CDH22: variants seen among roughly 807,000 people sequenced by gnomAD.
The protein encoded by CDH22 is cadherin-22.
A neutral mutation model predicts 58.4 loss-of-function variants in CDH22; 30 were observed. The observed-to-expected ratio is 0.51, with a 90% confidence interval of 0.38 to 0.70. The LOEUF (loss-of-function observed/expected upper bound fraction) is 0.70. Ranked by LOEUF, CDH22 falls within the 30% of genes least tolerant of loss-of-function variation. The pLI, the probability that CDH22 is intolerant of heterozygous loss-of-function variation, is 0.00. For synonymous variants in CDH22, 513 were observed against 558.2 expected (o/e 0.92, Z 1.14); for missense variants, 1,014 against 1,233.9 (o/e 0.82, Z 2.67).
At chr20:46,282,668 A>G (rs962067444) in intron 1 of CDH22, among the ~76,000 whole-genome samples, 2 of 152,146 alleles carry the variant, frequency 1.3e-5, no homozygotes, top group Admixed American at 1.3e-4. Flanking sequence ...TTATAATTCA[A>G]TATCGGGTGG....
intron 1 of CDH22, among the ~76,000 whole-genome samples, chr20:46,295,693 C>T (rs1323752894): frequency 6.6e-6 from 1 of 152,210 alleles, no homozygotes; most frequent in African/African-American, 2.4e-5. Flanking sequence ...CCTCATTCCT[C>T]CTGATAGGTG....
chr20:46,178,454 C>A (rs374688062), intron 10 of CDH22, among the ~76,000 whole-genome samples: 19 of 152,126 alleles, frequency 1.2e-4, no homozygotes, highest in Admixed American at 1.2e-3. Context: ...ATGTAGCCCA[C>A]AATTCTGTCC....
chr20:46,222,892 A>G (rs1008404084), intron 4 of CDH22, among the ~76,000 whole-genome samples: 2 of 152,184 alleles, frequency 1.3e-5, no homozygotes, highest in African/African-American at 2.4e-5. Flanking sequence ...GCTCCCTGCT[A>G]TCTGCACAGC....
At chr20:46,236,197 TAACAG>T (rs1292176888) in intron 3 of CDH22, among the ~76,000 whole-genome samples, 2 of 152,072 alleles carry the variant, frequency 1.3e-5, no homozygotes, top group Non-Finnish European at 2.9e-5. Context: ...CAGACATTTC[TAACAG>T]CCCAGACCTC....
chr20:46,265,044 G>T (rs1314006857), intron 1 of CDH22, among the ~76,000 whole-genome samples: 1 of 152,110 alleles, frequency 6.6e-6, no homozygotes, highest in East Asian at 1.9e-4. Context: ...CACCCTGCCC[G>T]TGTGCCGGTG....
chr20:46,219,721 A>G (rs977343956), intron 4 of CDH22: 1 of 152,252 alleles, frequency 6.6e-6, no homozygotes, highest in Non-Finnish European at 1.5e-5. Flanking sequence ...TGTGTCCGGC[A>G]TTATTCTAAT....
chr20:46,252,010 G>A (rs2425805), intron 1 of CDH22, among the ~76,000 whole-genome samples: 44,849 of 151,664 alleles, frequency 0.3, 8,016 homozygotes, highest in Middle Eastern at 0.51. Context: ...CCTAGTAGGC[G>A]GTGCCCCTGA....
chr20:46,197,283 C>T (rs1013735016), intron 8 of CDH22, among the ~76,000 whole-genome samples: 1 of 144,486 alleles, frequency 6.9e-6, no homozygotes, highest in Non-Finnish European at 1.5e-5. Context: ...TGCTGGAAAG[C>T]ATCTAGGCCA....
chr20:46,200,962 G>C (rs1385879129), intron 7 of CDH22, among the ~76,000 whole-genome samples: 1 of 152,202 alleles, frequency 6.6e-6, no homozygotes, highest in Non-Finnish European at 1.5e-5. Flanking sequence ...TGCGCAGCAC[G>C]CGCGAGCTAA....
chr20:46,232,577 C>A (rs1178652823), intron 3 of CDH22, among the ~76,000 whole-genome samples: 3 of 152,240 alleles, frequency 2.0e-5, no homozygotes, highest in Admixed American at 2.0e-4. Flanking sequence ...TGCCACCCCA[C>A]TGGGTCTGGG....
intron 10 of CDH22, among the ~76,000 whole-genome samples, chr20:46,180,548 T>C (rs949349098): frequency 9.9e-5 from 15 of 152,180 alleles, no homozygotes; most frequent in Middle Eastern, 3.2e-3. Context: ...TTGTACTGAA[T>C]GGATTTTTTT....
chr20:46,250,135 C>T (rs1397550798), intron 2 of CDH22, among the ~76,000 whole-genome samples: 1 of 152,212 alleles, frequency 6.6e-6, no homozygotes, highest in Non-Finnish European at 1.5e-5. Flanking sequence ...TTCTCAGCTC[C>T]TTATATGCCT....
chr20:46,235,207 T>C (rs1600709752), intron 3 of CDH22, among the ~76,000 whole-genome samples: 1 of 152,368 alleles, frequency 6.6e-6, no homozygotes, highest in South Asian at 2.1e-4. Context: ...CCAGGCATAG[T>C]GTCTTGCACA....
chr20:46,258,049 C>T (rs1180737523), intron 1 of CDH22, among the ~76,000 whole-genome samples: 2 of 152,136 alleles, frequency 1.3e-5, no homozygotes, highest in Non-Finnish European at 2.9e-5. Flanking sequence ...TAATAATGTT[C>T]CCCCAGTTTG....
In CDH22 at chr20:46,223,838, CTTCCTTCCTTCCTTCT is replaced by C. The variant is rs1442229574; in HGVS notation, c.670+3654_670+3669del. 9.0e-4 allele frequency among the ~76,000 whole-genome samples: 103 copies of C among 114,930 alleles called. 1 individual carries two copies. The highest frequency in any genetic ancestry group is 1.3e-3 in the Non-Finnish European group (72 of 54,346). 75.4% of individuals were successfully genotyped at this position (114,930 alleles called of 152,430 possible). A position where few individuals can be genotyped will look rare whatever the true frequency, so the allele number is the denominator to read the frequency against. ...CCTTTCTTCCTTCCTTCCTTCCTTC[CTTCCTTCCTTCCTTCT>C]TTCTTTCTTTTCTTTTTGAGATGGA... is the stretch of plus-strand genomic sequence containing the variant. On this transcript the variant is annotated intron_variant, in intron 4 of 11. Coordinates refer to ENST00000537909, the MANE Select transcript of CDH22 (RefSeq NM_021248.3).
intron 1 of CDH22, among the ~76,000 whole-genome samples, chr20:46,294,711 G>A (rs1007173547): frequency 3.3e-5 from 5 of 152,180 alleles, no homozygotes; most frequent in African/African-American, 1.2e-4. Context: ...GGGTGGGTAG[G>A]TGGGGGCTTG....
chr20:46,174,872 G>A lies in CDH22; in HGVS notation c.2121C>T (p.Gly707=), dbSNP rs769720887. ...LKGGDGGGSA[G]GGAGGGSGGG... ...CGCCCGAGCCCCCGCCCGCTCCCCCGCCCGCGCTGCCGCCCCCGTCGCCGC... is the reference window on the plus strand; with the variant it reads ...CGCCCGAGCCCCCGCCCGCTCCCCCACCCGCGCTGCCGCCCCCGTCGCCGC... Residue 707 remains glycine, a synonymous_variant, in exon 12 of 12, where the codon GGC becomes GGT. Transcript: ENST00000537909. This position sits in a 1 kb window ranked among gnomAD's most constrained non-coding sequence, Gnocchi z 4.4. 5.7e-4 allele frequency: 140 copies of A among 246,222 alleles called. No individual in the cohort carries two copies. The highest frequency in any genetic ancestry group is 5.0e-3 in the African/African-American group (117 of 23,500). 15.3% of individuals were successfully genotyped at this position (246,222 alleles called of 1,614,324 possible).
chr20:46,257,458 A>G (rs1316049310), intron 1 of CDH22, among the ~76,000 whole-genome samples: 2 of 152,202 alleles, frequency 1.3e-5, no homozygotes, highest in African/African-American at 4.8e-5. Context: ...AGGCTGGGCC[A>G]CAGAATATGT....
chr20:46,201,865 C>T (rs1354988583), intron 7 of CDH22, among the ~76,000 whole-genome samples: 1 of 152,194 alleles, frequency 6.6e-6, no homozygotes. Flanking sequence ...CCCTAGCATG[C>T]ACCTAACAGT....
Sources: gnomAD v4.1 joint callset for allele counts (sites outside exome capture counted in the v4.1 genomes callset) on GRCh38, gnomAD v4.1.1 for gene constraint, Gnocchi (gnomAD v3.1) non-coding constraint, MANE v1.5 for transcripts, NCBI Gene and HGNC (gene_info 2026-07-23, HGNC 2026-07-21) for gene names.